GNA14: variants seen among roughly 807,000 people sequenced by gnomAD.
GNA14 encodes guanine nucleotide-binding protein subunit alpha-14.
GNA14 carries 50 observed loss-of-function variants against 42.0 expected under a neutral mutation model. The ratio of observed to expected loss-of-function variants is 1.19; its 90% CI spans 0.95 to 1.51. The LOEUF (loss-of-function observed/expected upper bound fraction) is 1.51, where lower values mean the gene tolerates loss of function less well. Among genes scored for constraint, GNA14 ranks in the 40% most tolerant of loss-of-function variants. GNA14 has a pLI of 0.00. For synonymous variants in GNA14, 173 were observed against 163.1 expected, an observed-to-expected ratio of 1.06 and a Z score of -0.46; for missense variants, 473 against 446.2, an observed-to-expected ratio of 1.06 and a Z score of -0.54.
intron 1 of GNA14, among the ~76,000 whole-genome samples, chr9:77,534,509 C>T (rs1158302264): frequency 6.6e-6 from 1 of 152,196 alleles, no homozygotes; most frequent in African/African-American, 2.4e-5. Flanking sequence ...CCAAAGCAGG[C>T]TGATAAAGCT....
chr9:77,431,436 TGTCA>T lies in GNA14; in HGVS notation c.474_477del (p.Asp159LeufsTer69), dbSNP rs748724376. ...AATGATGGTGTGGCGATGCGGTCAA[TGTCA>T]GTCAGGTAACTGTATATTAGAGAAC... On this transcript the variant is annotated frameshift_variant, in exon 4 of 7. Transcript: ENST00000341700. LOFTEE classifies it high-confidence loss of function. 6 of 1,613,430 alleles carry T rather than the reference TGTCA, an allele frequency of 3.7e-6. No individual in the cohort carries two copies. Among genetic ancestry groups the T allele is most frequent in the Non-Finnish European group, 5.1e-6 (6 of 1,179,578 alleles).
chr9:77,559,527 C>T (rs1822845805), intron 1 of GNA14, among the ~76,000 whole-genome samples: 2 of 152,128 alleles, frequency 1.3e-5, no homozygotes, highest in African/African-American at 4.8e-5. Flanking sequence ...CACAGCTTAC[C>T]ACAGGGCATG....
intron 2 of GNA14, among the ~76,000 whole-genome samples, chr9:77,492,035 TAAACAA>T (rs1434746447): frequency 6.6e-6 from 1 of 152,170 alleles, no homozygotes; most frequent in Admixed American, 6.5e-5. Flanking sequence ...ATTTGGATAT[TAAACAA>T]TACGCTCCTG....
chr9:77,492,294 G>A (rs1587796995), intron 2 of GNA14, among the ~76,000 whole-genome samples: 1 of 151,156 alleles, frequency 6.6e-6, no homozygotes, highest in Non-Finnish European at 1.5e-5. Flanking sequence ...AGAAATAATG[G>A]AGATCAGAAT....
At chr9:77,550,215 A>C (rs1246465772) in intron 1 of GNA14, among the ~76,000 whole-genome samples, 3 of 152,098 alleles carry the variant, frequency 2.0e-5, no homozygotes, top group Admixed American at 2.0e-4. Context: ...AGTAACTATC[A>C]ATGGCAATAT....
intron 1 of GNA14, among the ~76,000 whole-genome samples, chr9:77,557,619 G>A (rs996212538): frequency 6.6e-6 from 1 of 152,160 alleles, no homozygotes; most frequent in Non-Finnish European, 1.5e-5. Context: ...ACAAGAGATG[G>A]TCTGAATAAA....
rs191894247 is a variant in GNA14, at chr9:77,516,219, A to G, written c.309+12850T>C. Among the ~76,000 whole-genome samples, 515 of 152,308 alleles carry G rather than the reference A, an allele frequency of 3.4e-3. 7 individuals carry two copies. The highest frequency in any genetic ancestry group is 4.1e-3 in the Non-Finnish European group (281 of 68,038). On this transcript the variant is annotated intron_variant, in intron 2 of 6. Transcript: ENST00000341700. ...TCTTCTCTTGGGCCCAATCTTTAGA[A>G]AGCACTCTTAGCTTGTGCTATTCAT...
intron 2 of GNA14, among the ~76,000 whole-genome samples, chr9:77,491,118 C>T (rs542816528): frequency 6.6e-6 from 1 of 152,334 alleles, no homozygotes; most frequent in South Asian, 2.1e-4. Flanking sequence ...AATACTGTAT[C>T]TATCAAAGCT....
At chr9:77,568,725 G>A (rs1257310848) in intron 1 of GNA14, among the ~76,000 whole-genome samples, 1 of 152,098 alleles carries the variant, frequency 6.6e-6, no homozygotes, top group Non-Finnish European at 1.5e-5. Context: ...CAGGGATGGT[G>A]AAGTCTCTCG....
At position 77,423,225 on chromosome 9, in the gene GNA14, T is replaced by G. The variant is rs1300285696; in HGVS notation, c.*754A>C. On this transcript the variant is annotated 3_prime_UTR_variant, in exon 7 of 7. Transcript: ENST00000341700. The stretch of plus-strand genomic sequence containing the variant: ...GGACTTCTAGCCATTTCATACATTT[T>G]TAAGATCTGGTCATATACATTGGGG... 6.6e-6 allele frequency: 1 copy of G among 152,030 alleles called. No individual in the cohort carries two copies. The highest frequency in any genetic ancestry group is 1.5e-5 in the Non-Finnish European group (1 of 68,012). The allele number at this position is 152,030 out of a possible 1,614,324, so 9.4% of individuals were successfully genotyped here.
chr9:77,453,867 A>G, intron 2 of GNA14, among the ~76,000 whole-genome samples: 1 of 152,202 alleles, frequency 6.6e-6, no homozygotes, highest in East Asian at 1.9e-4. Context: ...CTACTTGCCA[A>G]ATACATATAG....
chr9:77,638,108 G>T (rs1824210468), intron 1 of GNA14, among the ~76,000 whole-genome samples: 1 of 152,178 alleles, frequency 6.6e-6, no homozygotes, highest in Admixed American at 6.5e-5. Flanking sequence ...ATATTTGATA[G>T]TCAACTAGCC....
At chr9:77,636,765 G>C (rs1262692555) in intron 1 of GNA14, among the ~76,000 whole-genome samples, 1 of 152,124 alleles carries the variant, frequency 6.6e-6, no homozygotes, top group African/African-American at 2.4e-5. Flanking sequence ...CTGACCCGAC[G>C]ACCTAAACAC....
chr9:77,473,828 T>C (rs1836372880), intron 2 of GNA14, among the ~76,000 whole-genome samples: 1 of 152,154 alleles, frequency 6.6e-6, no homozygotes, highest in South Asian at 2.1e-4. Context: ...TTTAGGATAA[T>C]GGAATTGAGA....
chr9:77,491,174 G>A (rs576410944), intron 2 of GNA14, among the ~76,000 whole-genome samples: 1 of 152,340 alleles, frequency 6.6e-6, no homozygotes, highest in East Asian at 1.9e-4. Context: ...AACAAAAGCT[G>A]AGAGAATTCA....
At chr9:77,449,034 T>C (rs908613008) in intron 2 of GNA14, among the ~76,000 whole-genome samples, 1 of 152,224 alleles carries the variant, frequency 6.6e-6, no homozygotes, top group Admixed American at 6.5e-5. Flanking sequence ...ACGATAATGG[T>C]ATGATAGGAT....
At chr9:77,535,134 G>T (rs945323726) in intron 1 of GNA14, among the ~76,000 whole-genome samples, 1 of 152,198 alleles carries the variant, frequency 6.6e-6, no homozygotes, top group Non-Finnish European at 1.5e-5. Flanking sequence ...CAGGCCCTTG[G>T]GGGCACTCTG....
chr9:77,588,721 C>T (rs1245872413), intron 1 of GNA14, among the ~76,000 whole-genome samples: 1 of 152,180 alleles, frequency 6.6e-6, no homozygotes, highest in Non-Finnish European at 1.5e-5. Context: ...TGTCAGGTGA[C>T]ACTCTCCTAC....
intron 1 of GNA14, among the ~76,000 whole-genome samples, chr9:77,631,022 G>T (rs1365838905): frequency 2.0e-5 from 3 of 152,160 alleles, no homozygotes; most frequent in African/African-American, 7.2e-5. Flanking sequence ...AAGAGGCTAA[G>T]AGCAAAACAG....
Sources: allele counts gnomAD v4.1 joint callset (sites outside exome capture counted in the v4.1 genomes callset), GRCh38; gene constraint gnomAD v4.1.1; transcripts MANE v1.5; gene names NCBI Gene and HGNC (gene_info 2026-07-23, HGNC 2026-07-21).